LRRN3: variants seen among roughly 807,000 people sequenced by gnomAD.
The protein encoded by LRRN3 is leucine rich repeat neuronal 3, also known as leucine-rich repeat neuronal protein 3.
LRRN3 carries 15 observed loss-of-function variants against 40.1 expected under a neutral mutation model. That is an observed-to-expected ratio of 0.37 (90% confidence interval 0.25 to 0.58). The LOEUF is 0.58. Ranked by LOEUF, LRRN3 falls within the 20% of genes least tolerant of loss-of-function variation. LRRN3 has a pLI of 0.72. For missense variants in LRRN3, 746 were observed against 837.7 expected, an observed-to-expected ratio of 0.89 and a Z score of 1.35; for synonymous variants, 308 against 297.2, an observed-to-expected ratio of 1.04 and a Z score of -0.37.
At chr7:111,118,588 C>T (rs1186192088) in intron 2 of LRRN3, among the ~76,000 whole-genome samples, 1 of 151,904 alleles carries the variant, frequency 6.6e-6, no homozygotes, top group Non-Finnish European at 1.5e-5. Flanking sequence ...TGTACCTCAC[C>T]AACCTATCTC....
At chr7:111,102,722 C>T (rs773664498) in intron 2 of LRRN3, among the ~76,000 whole-genome samples, 43 of 151,598 alleles carry the variant, frequency 2.8e-4, no homozygotes, top group Middle Eastern at 3.4e-3. Flanking sequence ...CCAGCTTCTT[C>T]GTGCTATTCT....
intron 2 of LRRN3, among the ~76,000 whole-genome samples, chr7:111,118,564 A>G (rs1160270751): frequency 1.3e-5 from 2 of 152,092 alleles, no homozygotes; most frequent in East Asian, 1.9e-4. Flanking sequence ...CTTACATTAA[A>G]AAGTGGAGAT....
chr7:111,095,629 T>A (rs547893511), intron 1 of LRRN3, among the ~76,000 whole-genome samples: 14 of 152,094 alleles, frequency 9.2e-5, no homozygotes, highest in Non-Finnish European at 1.9e-4. Context: ...TGCCCTGTTT[T>A]TAAAACATGT....
Position 111,124,580 on chromosome 7 carries a change from G to GA in LRRN3, c.1815dup (p.Cys606MetfsTer12), listed in dbSNP as rs747411092. On this transcript the variant is annotated frameshift_variant, in exon 3 of 3. Coordinates refer to ENST00000308478, the MANE Select transcript of LRRN3 (RefSeq NM_001099658.2). LOFTEE classifies it high-confidence loss of function. ...ATTCCCACCATCTATCAGAAAAACA[G>GA]AAAAAAATGTGTAAATGTCACCACC... 3 of 1,613,560 alleles carry GA rather than the reference G, an allele frequency of 1.9e-6. No homozygotes were observed. The highest frequency in any genetic ancestry group is 2.7e-5 in the African/African-American group (2 of 74,870).
chr7:111,123,598 C>T lies in LRRN3; in HGVS notation c.826C>T (p.Arg276Ter), dbSNP rs1037509708. 11 of 1,612,706 alleles carry T rather than the reference C, an allele frequency of 6.8e-6. No homozygotes were observed. Among genetic ancestry groups the T allele is most frequent in the South Asian group, 1.1e-5 (1 of 91,032 alleles). ...AAATAAAAATCCTATTAATAGAATACGAAGGGGTGATTTTAGCAATATGCT... is the reference window on the plus strand; with the variant it reads ...AAATAAAAATCCTATTAATAGAATATGAAGGGGTGATTTTAGCAATATGCT... The part of the protein sequence containing the change: ...DLNKNPINRI[R>*]RGDFSNMLHL... Residue 276 changes from arginine (R) to a stop codon, truncating the protein, a stop_gained, in exon 3 of 3, where the codon CGA (arginine) becomes TGA (stop). Coordinates refer to ENST00000308478, the MANE Select transcript of LRRN3 (RefSeq NM_001099658.2). LOFTEE classifies it high-confidence loss of function. This position sits in a 1 kb window ranked among gnomAD's most constrained non-coding sequence, Gnocchi z 6.4.
intron 2 of LRRN3, among the ~76,000 whole-genome samples, chr7:111,105,892 C>T (rs986541106): frequency 2.0e-5 from 3 of 151,916 alleles, no homozygotes; most frequent in Non-Finnish European, 4.4e-5. Context: ...GCCAGTTTAA[C>T]TCCACTGATG....
intron 2 of LRRN3, among the ~76,000 whole-genome samples, chr7:111,115,233 T>G (rs1440572585): frequency 1.3e-5 from 2 of 152,124 alleles, no homozygotes; most frequent in African/African-American, 4.8e-5. Flanking sequence ...TATTGTAAAT[T>G]AGAATTCCCC....
In LRRN3 at chr7:111,122,789, T is replaced by C. The variant is rs143419752; in HGVS notation, c.17T>C (p.Leu6Pro). 1.1e-5 allele frequency: 17 copies of C among 1,612,654 alleles called. No homozygotes were observed. The African/African-American group carries it at 1.9e-4, about 18-fold the overall frequency. The change falls in exon 3 of 3, where the codon CTC becomes CCC. Residue 6 changes from leucine to proline, a missense_variant. Physicochemically the swap from Leu to Pro is moderately conservative, Grantham distance 98. Transcript: ENST00000308478. ...AAAGCTAAGATGAAGGACATGCCAC[T>C]CCGAATTCATGTGCTACTTGGCCTA... MKDMP[L>P]RIHVLLGLAI... is the part of the protein sequence containing the mutation.
chr7:111,101,780 C>A (rs1051365416), intron 2 of LRRN3, among the ~76,000 whole-genome samples: 1 of 151,346 alleles, frequency 6.6e-6, no homozygotes, highest in African/African-American at 2.4e-5. Context: ...TAAATAGTCT[C>A]AGTTAATATG....
At chr7:111,099,522 T>C (rs1251393128) in intron 1 of LRRN3, among the ~76,000 whole-genome samples, 1 of 151,724 alleles carries the variant, frequency 6.6e-6, no homozygotes, top group Admixed American at 6.6e-5. Context: ...AACTTCAGCA[T>C]TTCTTGCTAT....
In LRRN3 at chr7:111,091,248, A is replaced by G. The variant is rs1796830777; in HGVS notation, c.-697A>G. 6.6e-6 allele frequency: 1 copy of G among 152,224 alleles called. No individual in the cohort carries two copies. The highest frequency in any genetic ancestry group is 1.5e-5 in the Non-Finnish European group (1 of 68,054). The allele number at this position is 152,224 out of a possible 1,614,324, so 9.4% of individuals were successfully genotyped here. A position where few individuals can be genotyped will look rare whatever the true frequency, so the allele number is the denominator to read the frequency against. ...TGAGAGCCTCAGCCTGCCGACTGAG[A>G]AAAAGAGTTCCAGGAAAAAGAAGGA... On this transcript the variant is annotated 5_prime_UTR_variant, in exon 1 of 3. Transcript: ENST00000308478.
intron 2 of LRRN3, among the ~76,000 whole-genome samples, chr7:111,102,785 G>A (rs941671772): frequency 2.0e-5 from 3 of 151,402 alleles, no homozygotes; most frequent in East Asian, 1.9e-4. Flanking sequence ...AAAAAGCTCC[G>A]AAACCATTCT....
intron 2 of LRRN3, among the ~76,000 whole-genome samples, chr7:111,106,957 T>C (rs1001278889): frequency 6.6e-6 from 1 of 151,964 alleles, no homozygotes; most frequent in East Asian, 1.9e-4. Context: ...ATGTTATGCA[T>C]GTATTCAATC....
At position 111,123,726 on chromosome 7, in the gene LRRN3, C is replaced by T; in HGVS notation, c.954C>T (p.Asn318=). The change falls in exon 3 of 3, where the codon AAC becomes AAT. Residue 318 remains asparagine (N), a synonymous_variant. Transcript: ENST00000308478. The surrounding 1 kb of genome is among the most constrained non-coding windows in gnomAD (Gnocchi z 6.4). ...LPDLRKIEAT[N]NPRLSYIHPN... ...ATTTAAGAAAAATAGAAGCTACTAA[C>T]AACCCTAGATTGTCTTACATTCACC... 6.2e-7 allele frequency: 1 copy of T among 1,613,864 alleles called. No individual in the cohort carries two copies. The highest frequency in any genetic ancestry group is 8.5e-7 in the Non-Finnish European group (1 of 1,179,906).
chr7:111,119,806 G>T (rs214869), intron 2 of LRRN3, among the ~76,000 whole-genome samples: 7,790 of 152,154 alleles, frequency 0.051, 349 homozygotes, highest in African/African-American at 0.12. Context: ...TCTCAAGGAG[G>T]TTAGTGCCTG....
At chr7:111,119,062 T>A (rs1378504104) in intron 2 of LRRN3, among the ~76,000 whole-genome samples, 2 of 152,188 alleles carry the variant, frequency 1.3e-5, no homozygotes, top group Non-Finnish European at 2.9e-5. Context: ...GAATGCCTCA[T>A]CTTTAATATT....
chr7:111,118,821 T>C (rs1356390061), intron 2 of LRRN3, among the ~76,000 whole-genome samples: 7 of 152,128 alleles, frequency 4.6e-5, no homozygotes, highest in Non-Finnish European at 2.9e-5. Context: ...TCCCATACTA[T>C]TGCTTCCTAC....
intron 2 of LRRN3, among the ~76,000 whole-genome samples, chr7:111,113,516 C>T (rs1799488841): frequency 6.6e-6 from 1 of 152,104 alleles, no homozygotes. Flanking sequence ...GCTGCAATCA[C>T]TTCATTTATT....
At chr7:111,118,333 G>C (rs1307933264) in intron 2 of LRRN3, among the ~76,000 whole-genome samples, 1 of 151,950 alleles carries the variant, frequency 6.6e-6, no homozygotes, top group Non-Finnish European at 1.5e-5. Flanking sequence ...TCTTTACTAA[G>C]GAAAAGTAGC....
Sources: gnomAD v4.1 joint callset for allele counts (sites outside exome capture counted in the v4.1 genomes callset) on GRCh38, gnomAD v4.1.1 for gene constraint, Gnocchi (gnomAD v3.1) non-coding constraint, MANE v1.5 for transcripts, NCBI Gene and HGNC (gene_info 2026-07-23, HGNC 2026-07-21) for gene names.